EDARADD: variants seen among roughly 807,000 people sequenced by gnomAD.
EDARADD encodes ectodysplasin-A receptor-associated adapter protein.
A neutral mutation model predicts 25.6 loss-of-function variants in EDARADD; 20 were observed. The ratio of observed to expected loss-of-function variants is 0.78; its 90% CI spans 0.55 to 1.14. EDARADD has a LOEUF of 1.14. EDARADD is among the 50% of genes most tolerant of loss of function. EDARADD has a pLI of 0.00. For synonymous variants in EDARADD, 86 were observed against 94.4 expected, an observed-to-expected ratio of 0.91 and a Z score of 0.52; for missense variants, 225 against 270.1, an observed-to-expected ratio of 0.83 and a Z score of 1.17.
intron 3 of EDARADD, among the ~76,000 whole-genome samples, chr1:236,379,543 C>T (rs1667273536): frequency 6.6e-6 from 1 of 152,004 alleles, no homozygotes; most frequent in South Asian, 2.1e-4. Flanking sequence ...CTTTGGGAGG[C>T]CGAGGCGGGC....
At chr1:236,442,614 CTCTG>C (rs1253337366) in intron 4 of EDARADD, among the ~76,000 whole-genome samples, 1 of 152,208 alleles carries the variant, frequency 6.6e-6, no homozygotes, top group East Asian at 1.9e-4. Context: ...GCTAAATTTA[CTCTG>C]TCTGTGCTGT....
intron 4 of EDARADD, among the ~76,000 whole-genome samples, chr1:236,432,231 C>CA (rs1658115344): frequency 1.3e-5 from 2 of 151,194 alleles, no homozygotes; most frequent in South Asian, 4.2e-4. Context: ...CTGAACTCTA[C>CA]AAAAAATACA....
chr1:236,454,005 A>C (rs1658781670), intron 4 of EDARADD, among the ~76,000 whole-genome samples: 2 of 152,156 alleles, frequency 1.3e-5, no homozygotes, highest in Non-Finnish European at 2.9e-5. Flanking sequence ...GGAAACAGAA[A>C]TCTATTTCCA....
At chr1:236,411,817 C>A (rs1250692323) in intron 2 of EDARADD, among the ~76,000 whole-genome samples, 2 of 152,186 alleles carry the variant, frequency 1.3e-5, no homozygotes, top group Non-Finnish European at 2.9e-5. Context: ...TCCCAAAGTG[C>A]TGGGATTACA....
chr1:236,448,563 A>G (rs55783714), intron 4 of EDARADD, among the ~76,000 whole-genome samples: 19,764 of 152,190 alleles, frequency 0.13, 2,839 homozygotes, highest in African/African-American at 0.35. Context: ...CCCCCAAAAT[A>G]AAAGACTTAG....
intron 3 of EDARADD, among the ~76,000 whole-genome samples, chr1:236,385,021 C>G (rs1004799536): frequency 6.7e-6 from 1 of 148,740 alleles, no homozygotes; most frequent in African/African-American, 2.5e-5. Flanking sequence ...CTTCTCTTGT[C>G]TTGCTGCAGA....
At chr1:236,393,248 T>C (rs1041769571), upstream of EDARADD, among the ~76,000 whole-genome samples, 6 of 152,080 alleles carry the variant, frequency 3.9e-5, no homozygotes, top group African/African-American at 1.4e-4. Context: ...ACTATCTCCA[T>C]TTATTGGAAA....
intron 4 of EDARADD, among the ~76,000 whole-genome samples, chr1:236,458,001 T>C (rs1037025772): frequency 6.6e-6 from 1 of 152,248 alleles, no homozygotes; most frequent in Non-Finnish European, 1.5e-5. Flanking sequence ...TGCAGTGCTC[T>C]GCTGGCTGCA....
At chr1:236,400,815 C>T (rs1667601188) in intron 1 of EDARADD, among the ~76,000 whole-genome samples, 1 of 150,744 alleles carries the variant, frequency 6.6e-6, no homozygotes, top group Non-Finnish European at 1.5e-5. Context: ...CCTCCTTGGC[C>T]TCCCAAAGTG....
chr1:236,385,773 C>A, intron 3 of EDARADD, among the ~76,000 whole-genome samples: 1 of 151,924 alleles, frequency 6.6e-6, no homozygotes, highest in East Asian at 1.9e-4. Context: ...AAGAGATTCT[C>A]TTGTATTCTC....
intron 4 of EDARADD, among the ~76,000 whole-genome samples, chr1:236,445,593 A>T (rs1658516108): frequency 6.6e-6 from 1 of 152,202 alleles, no homozygotes; most frequent in Non-Finnish European, 1.5e-5. Context: ...GGAGGAGCAC[A>T]CTACAGCAGG....
At position 236,395,705 on chromosome 1, in the gene EDARADD, G is replaced by A. The variant is rs751572652; in HGVS notation, c.61+1200G>A. On this transcript the variant is annotated intron_variant, in intron 1 of 5. Coordinates refer to ENST00000334232, the MANE Select transcript of EDARADD (RefSeq NM_145861.4). The surrounding 1 kb of genome is among the most constrained non-coding windows in gnomAD (Gnocchi z 6.9). ...CGCCCGCTCCTGGAGCGAGCACCGC[G>A]GGGCGGGAGCTCGGGAGGCGCTCGC... The A allele has an allele frequency of 7.8e-6, 12 of 1,534,092 alleles. No homozygotes were observed. The highest frequency in any genetic ancestry group is 1.0e-5 in the Non-Finnish European group (12 of 1,145,552).
intron 4 of EDARADD, among the ~76,000 whole-genome samples, chr1:236,442,539 G>T (rs527611110): frequency 6.6e-6 from 1 of 152,180 alleles, no homozygotes; most frequent in African/African-American, 2.4e-5. Flanking sequence ...TAATGCAGCC[G>T]ATGACCTTAA....
At chr1:236,425,763 C>G (rs591720) in intron 3 of EDARADD, among the ~76,000 whole-genome samples, 70,435 of 151,970 alleles carry the variant, frequency 0.46, 18,124 homozygotes, top group Non-Finnish European at 0.59. Context: ...GGATGAGATA[C>G]CAAACAATCA....
intron 4 of EDARADD, among the ~76,000 whole-genome samples, chr1:236,455,011 A>G (rs1658817998): frequency 6.6e-6 from 1 of 152,204 alleles, no homozygotes; most frequent in African/African-American, 2.4e-5. Context: ...GGAGTTCGAG[A>G]GCAGCTTGGC....
chr1:236,382,112 C>T (rs929294411), intron 3 of EDARADD, among the ~76,000 whole-genome samples: 9 of 152,024 alleles, frequency 5.9e-5, no homozygotes, highest in African/African-American at 2.2e-4. Flanking sequence ...TTTCTTCAAA[C>T]ATTTTTGTCC....
Position 236,413,053 on chromosome 1 carries a change from G to C in EDARADD, c.121-1207G>C, listed in dbSNP as rs538835190. 2.3e-3 allele frequency among the ~76,000 whole-genome samples: 355 copies of C among 152,218 alleles called. 4 individuals carry two copies. The highest frequency in any genetic ancestry group is 4.1e-3 in the Non-Finnish European group (282 of 67,996). ...TAATTTTTGTATTTTTAGTAGAGAT[G>C]GGGTTTCACCATGTTGGCGAGGCTG... On this transcript the variant is annotated intron_variant, in intron 2 of 5. Transcript: ENST00000334232.
At chr1:236,464,250 A>AT (rs34675825) in intron 4 of EDARADD, among the ~76,000 whole-genome samples, 59,791 of 142,170 alleles carry the variant, frequency 0.42, 13,064 homozygotes, top group East Asian at 0.51. Flanking sequence ...TTCTGCAAGT[A>AT]TTATTTTTTT....
chr1:236,415,294 G>A (rs902879589), intron 3 of EDARADD, among the ~76,000 whole-genome samples: 2 of 152,132 alleles, frequency 1.3e-5, no homozygotes, highest in African/African-American at 4.8e-5. Context: ...AGGGGTGAGG[G>A]ATGCTTGTTA....
Sources: allele counts gnomAD v4.1 joint callset (sites outside exome capture counted in the v4.1 genomes callset), GRCh38; gene constraint gnomAD v4.1.1; non-coding constraint Gnocchi (gnomAD v3.1); transcripts MANE v1.5; gene names NCBI Gene and HGNC (gene_info 2026-07-23, HGNC 2026-07-21).